The following RGPD2 variants were observed in gnomAD, a reference collection of about 807,000 sequenced individuals.
RGPD2 encodes RANBP2 like and GRIP domain containing 2.
In RGPD2, 2 loss-of-function variants were observed where a neutral mutation model predicts 36.0. That is an observed-to-expected ratio of 0.06 (90% CI 0.02 to 0.17). RGPD2 has a LOEUF of 0.17. Ranked by LOEUF, RGPD2 falls within the 10% of genes least tolerant of loss-of-function variation. The pLI is 1.00. For synonymous variants in RGPD2, 19 were observed against 163.8 expected (o/e 0.12, Z 6.75); for missense variants, 40 against 464.3 (o/e 0.09, Z 8.40).
At chr2:87,925,683 CTT>C in the RGPD2 span, among the ~76,000 whole-genome samples, 1 of 140,962 alleles carries the variant, frequency 7.1e-6, no homozygotes, top group Non-Finnish European at 1.5e-5. Flanking sequence ...TGTTTCCTGA[CTT>C]TTGAATAATC....
At chr2:87,986,205 G>C in the RGPD2 span, among the ~76,000 whole-genome samples, 1 of 147,078 alleles carries the variant, frequency 6.8e-6, no homozygotes, top group Non-Finnish European at 1.5e-5. Flanking sequence ...GTGCGGTCTT[G>C]GCACACTGCA....
the RGPD2 span, among the ~76,000 whole-genome samples, chr2:87,924,677 G>GA: frequency 4.0e-5 from 6 of 148,644 alleles, no homozygotes; most frequent in East Asian, 1.2e-3. Flanking sequence ...AAGTCAGTGT[G>GA]AAATACTTCC....
the RGPD2 span, among the ~76,000 whole-genome samples, chr2:87,878,755 C>T: frequency 6.6e-6 from 1 of 152,324 alleles, no homozygotes; most frequent in African/African-American, 2.4e-5. Context: ...CCCCCACAGC[C>T]TCTGGTAACC....
At chr2:87,831,001 C>T in the RGPD2 span, among the ~76,000 whole-genome samples, 3 of 152,064 alleles carry the variant, frequency 2.0e-5, no homozygotes, top group African/African-American at 7.2e-5. Context: ...ACCACACAGG[C>T]TTTAAAATTA....
the RGPD2 span, among the ~76,000 whole-genome samples, chr2:87,905,608 G>A: frequency 6.6e-6 from 1 of 151,628 alleles, no homozygotes; most frequent in African/African-American, 2.4e-5. Context: ...CAATTCCGAT[G>A]ATGAGGAGGG....
At chr2:87,924,536 T>C in the RGPD2 span, among the ~76,000 whole-genome samples, 3 of 152,276 alleles carry the variant, frequency 2.0e-5, no homozygotes, top group African/African-American at 7.2e-5. Context: ...TAGGAGAAGA[T>C]TGCTTTTGAC....
At chr2:87,933,575 T>C in the RGPD2 span, among the ~76,000 whole-genome samples, 6 of 150,102 alleles carry the variant, frequency 4.0e-5, no homozygotes, top group South Asian at 2.1e-4. Flanking sequence ...AGAAATCATA[T>C]TCTTCTTTAA....
chr2:87,855,338 A>T, the RGPD2 span, among the ~76,000 whole-genome samples: 3 of 151,152 alleles, frequency 2.0e-5, no homozygotes, highest in East Asian at 3.9e-4. Context: ...GCCATCTTGG[A>T]TTCCCACCAA....
the RGPD2 span, among the ~76,000 whole-genome samples, chr2:87,979,247 A>AAAAC: frequency 7.2e-6 from 1 of 137,974 alleles, no homozygotes; most frequent in Non-Finnish European, 1.6e-5. Flanking sequence ...CCCCCAAAAA[A>AAAAC]AGAAAATATA....
the RGPD2 span, among the ~76,000 whole-genome samples, chr2:87,922,292 C>CAAA: frequency 4.3e-4 from 36 of 84,650 alleles, no homozygotes; most frequent in South Asian, 1.0e-3. Context: ...GACTTCGTCT[C>CAAA]AAAAAAAAAA....
At chr2:87,938,194 T>A in the RGPD2 span, among the ~76,000 whole-genome samples, 9 of 151,706 alleles carry the variant, frequency 5.9e-5, no homozygotes, top group East Asian at 1.6e-3. Context: ...TGTCAGTGGG[T>A]AGAGAAAGAA....
At chr2:87,947,584 C>CT in the RGPD2 span, among the ~76,000 whole-genome samples, 1 of 151,864 alleles carries the variant, frequency 6.6e-6, no homozygotes, top group South Asian at 2.1e-4. Context: ...TCCCTGTGTC[C>CT]TTTCTCCCTC....
upstream of RGPD2, among the ~76,000 whole-genome samples, chr2:87,827,876 TTATAA>T (rs1254798725): frequency 4.2e-5 from 3 of 71,696 alleles, no homozygotes; most frequent in Admixed American, 1.8e-4. Flanking sequence ...AAATACTTAG[TTATAA>T]TATATGTTTA....
chr2:87,988,541 A>ATATTTT, the RGPD2 span, among the ~76,000 whole-genome samples: 1,661 of 54,180 alleles, frequency 0.031, 108 homozygotes, highest in Middle Eastern at 0.06. Context: ...ATATATATAT[A>ATATTTT]TTTTTTTTTT....
intron 4 of RGPD2, among the ~76,000 whole-genome samples, chr2:87,813,894 A>G (rs1168274610): frequency 2.6e-5 from 4 of 151,682 alleles, no homozygotes; most frequent in African/African-American, 9.7e-5. Flanking sequence ...AAAAAAAAAA[A>G]AAATCTGATA....
chr2:87,763,220 C>G (rs1386649869), intron 22 of RGPD2, among the ~76,000 whole-genome samples: 10 of 137,174 alleles, frequency 7.3e-5, no homozygotes, highest in Non-Finnish European at 1.1e-4. Context: ...TGCAGTGGCA[C>G]GATCTCAGCT....
intron 6 of RGPD2, among the ~76,000 whole-genome samples, chr2:87,809,645 A>G (rs1686091181): frequency 6.9e-6 from 1 of 145,222 alleles, no homozygotes; most frequent in Non-Finnish European, 1.5e-5. Flanking sequence ...TGATTAACTG[A>G]TCTGACAAAC....
At chr2:87,988,746 G>A in the RGPD2 span, among the ~76,000 whole-genome samples, 3 of 151,442 alleles carry the variant, frequency 2.0e-5, no homozygotes, top group Non-Finnish European at 2.9e-5. Context: ...TCACCACGTT[G>A]GCCAGGCTGG....
the RGPD2 span, among the ~76,000 whole-genome samples, chr2:87,948,164 T>G: frequency 6.6e-6 from 1 of 152,206 alleles, no homozygotes; most frequent in Non-Finnish European, 1.5e-5. Flanking sequence ...CTTTCTGAGC[T>G]GTGTGGCATT....
Sources: allele counts gnomAD v4.1 joint callset (sites outside exome capture counted in the v4.1 genomes callset), GRCh38; gene constraint gnomAD v4.1.1; transcripts MANE v1.5; gene names NCBI Gene and HGNC (gene_info 2026-07-23, HGNC 2026-07-21).